Variants in HS6ST3 observed in about 807,000 individuals in gnomAD.
The protein encoded by HS6ST3 is heparan-sulfate 6-O-sulfotransferase 3.
In HS6ST3, 12 loss-of-function variants were observed where a neutral mutation model predicts 36.7. The ratio of observed to expected loss-of-function variants is 0.33; its 90% CI spans 0.21 to 0.53. The LOEUF (loss-of-function observed/expected upper bound fraction) is 0.53. Ranked by LOEUF, HS6ST3 falls within the 20% of genes least tolerant of loss-of-function variation. The pLI is 0.95. For synonymous variants in HS6ST3, 240 were observed against 257.5 expected, an observed-to-expected ratio of 0.93 and a Z score of 0.65; for missense variants, 584 against 640.9, an observed-to-expected ratio of 0.91 and a Z score of 0.96.
chr13:96,175,993 A>G (rs2054211070), intron 1 of HS6ST3, among the ~76,000 whole-genome samples: 1 of 151,512 alleles, frequency 6.6e-6, no homozygotes, highest in African/African-American at 2.4e-5. Flanking sequence ...ATGCCTGGCT[A>G]ATTTTTTGTA....
chr13:96,492,413 T>G (rs1045060968), intron 1 of HS6ST3, among the ~76,000 whole-genome samples: 1 of 152,214 alleles, frequency 6.6e-6, no homozygotes, highest in African/African-American at 2.4e-5. Flanking sequence ...TACCACTCTG[T>G]GTTGTAAGCA....
chr13:96,625,063 A>C (rs996371360), intron 1 of HS6ST3, among the ~76,000 whole-genome samples: 10 of 152,206 alleles, frequency 6.6e-5, no homozygotes, highest in Non-Finnish European at 1.2e-4. Context: ...GAGCTAGCCC[A>C]TAGGCAGTGC....
At chr13:96,654,442 C>T (rs2056617887) in intron 1 of HS6ST3, among the ~76,000 whole-genome samples, 1 of 138,938 alleles carries the variant, frequency 7.2e-6, no homozygotes, top group African/African-American at 2.5e-5. Flanking sequence ...TCCAGTTTTC[C>T]CAACACGATT....
intron 1 of HS6ST3, among the ~76,000 whole-genome samples, chr13:96,655,156 C>T (rs1000742780): frequency 6.6e-6 from 1 of 152,082 alleles, no homozygotes. Context: ...CAAGGGAGAG[C>T]AAAATGAGCA....
chr13:96,435,732 G>C (rs368186584), intron 1 of HS6ST3, among the ~76,000 whole-genome samples: 1 of 151,988 alleles, frequency 6.6e-6, no homozygotes, highest in Non-Finnish European at 1.5e-5. Flanking sequence ...ACAAACTCTA[G>C]TGTGATCTTT....
chr13:96,324,608 G>A (rs1014666825), intron 1 of HS6ST3, among the ~76,000 whole-genome samples: 12 of 152,200 alleles, frequency 7.9e-5, no homozygotes, highest in African/African-American at 2.9e-4. Context: ...TTTGGAAATA[G>A]GGTCTTTGTA....
At chr13:96,563,835 C>A (rs894824131) in intron 1 of HS6ST3, among the ~76,000 whole-genome samples, 2 of 152,164 alleles carry the variant, frequency 1.3e-5, no homozygotes, top group Non-Finnish European at 2.9e-5. Flanking sequence ...CTCATGCACA[C>A]CTTCTTACCC....
intron 1 of HS6ST3, among the ~76,000 whole-genome samples, chr13:96,258,970 A>G (rs2054651259): frequency 6.6e-6 from 1 of 152,076 alleles, no homozygotes; most frequent in Non-Finnish European, 1.5e-5. Flanking sequence ...AACTGGGGAG[A>G]GCTTCACAGA....
Position 96,732,861 on chromosome 13 carries a change from T to G in HS6ST3, c.708-99629T>G, listed in dbSNP as rs946246797. ...TTTTCAATGTAGAGATCTTTCACCT[T>G]GTTTGTTAAATTTATTCCGAAGTAT... is the stretch of plus-strand genomic sequence containing the variant. On this transcript the variant is annotated intron_variant, in intron 1 of 1. Coordinates refer to ENST00000376705, the MANE Select transcript of HS6ST3 (RefSeq NM_153456.4). Among the ~76,000 whole-genome samples the G allele has an allele frequency of 5.6e-4, 86 of 152,312 alleles. 1 individual carries two copies. The highest frequency in any genetic ancestry group is 2.0e-3 in the African/African-American group (85 of 41,572).
chr13:96,220,436 A>G (rs1244441502), intron 1 of HS6ST3, among the ~76,000 whole-genome samples: 2 of 152,156 alleles, frequency 1.3e-5, no homozygotes, highest in African/African-American at 4.8e-5. Context: ...TAGAGCAGTT[A>G]TCTCACAGTC....
At chr13:96,294,756 C>T (rs1332389074) in intron 1 of HS6ST3, among the ~76,000 whole-genome samples, 1 of 152,022 alleles carries the variant, frequency 6.6e-6, no homozygotes, top group African/African-American at 2.4e-5. Flanking sequence ...TGTAGGGTAA[C>T]TTAACTATTT....
At chr13:96,570,002 A>G (rs77666005) in intron 1 of HS6ST3, among the ~76,000 whole-genome samples, 4,243 of 152,314 alleles carry the variant, frequency 0.028, 105 homozygotes, top group Non-Finnish European at 0.04. Flanking sequence ...TTAAAACTGC[A>G]TCATTAACTT....
intron 1 of HS6ST3, among the ~76,000 whole-genome samples, chr13:96,428,836 C>T (rs1594778159): frequency 6.6e-6 from 1 of 152,158 alleles, no homozygotes; most frequent in East Asian, 1.9e-4. Flanking sequence ...AGAAAACCAT[C>T]ACAGCAAACA....
intron 1 of HS6ST3, among the ~76,000 whole-genome samples, chr13:96,100,764 C>G (rs891079820): frequency 1.3e-5 from 2 of 152,158 alleles, no homozygotes; most frequent in Non-Finnish European, 2.9e-5. Context: ...TGGCCTTCAG[C>G]AAGTCAGAGA....
chr13:96,608,551 G>T (rs1444927698), intron 1 of HS6ST3, among the ~76,000 whole-genome samples: 1 of 152,198 alleles, frequency 6.6e-6, no homozygotes, highest in South Asian at 2.1e-4. Flanking sequence ...ACTCTCAAAA[G>T]GATGTGTTCT....
chr13:96,147,611 T>C (rs960452523), intron 1 of HS6ST3, among the ~76,000 whole-genome samples: 6 of 152,192 alleles, frequency 3.9e-5, no homozygotes, highest in Admixed American at 2.6e-4. Flanking sequence ...GCTGTGCCCA[T>C]TGGGTGAATT....
chr13:96,549,674 A>G (rs998796286), intron 1 of HS6ST3, among the ~76,000 whole-genome samples: 2 of 152,156 alleles, frequency 1.3e-5, no homozygotes, highest in African/African-American at 4.8e-5. Context: ...GTTTTTACCC[A>G]GGTAACAGTT....
At chr13:96,485,715 A>G (rs187229988) in intron 1 of HS6ST3, among the ~76,000 whole-genome samples, 8 of 152,282 alleles carry the variant, frequency 5.3e-5, no homozygotes, top group African/African-American at 1.9e-4. Context: ...TAGAATTCTT[A>G]TAGATATTCT....
At chr13:96,647,103 C>T (rs527366993) in intron 1 of HS6ST3, among the ~76,000 whole-genome samples, 2 of 151,922 alleles carry the variant, frequency 1.3e-5, no homozygotes, top group African/African-American at 4.8e-5. Flanking sequence ...CTGCATCATC[C>T]GTCAGACACT....
Sources: gnomAD v4.1 joint callset for allele counts (sites outside exome capture counted in the v4.1 genomes callset) on GRCh38, gnomAD v4.1.1 for gene constraint, MANE v1.5 for transcripts, NCBI Gene and HGNC (gene_info 2026-07-23, HGNC 2026-07-21) for gene names.